The following ERBB4 variants were observed in gnomAD, a reference collection of about 807,000 sequenced individuals.
ERBB4 encodes the protein erb-b2 receptor tyrosine kinase 4, also known as receptor tyrosine-protein kinase erbB-4.
Under a neutral mutation model 158.0 loss-of-function variants are expected in ERBB4, and 42 were observed. The observed-to-expected ratio is 0.27, with a 90% CI of 0.21 to 0.34. ERBB4 has a LOEUF of 0.34. ERBB4 is among the 10% of genes least tolerant of loss of function. The pLI is 1.00. For synonymous variants in ERBB4, 583 were observed against 558.7 expected, an observed-to-expected ratio of 1.04 and a Z score of -0.61; for missense variants, 1,333 against 1,624.1, an observed-to-expected ratio of 0.82 and a Z score of 3.08.
chr2:212,118,379 T>G (rs537214682), intron 2 of ERBB4, among the ~76,000 whole-genome samples: 1 of 152,190 alleles, frequency 6.6e-6, no homozygotes, highest in Non-Finnish European at 1.5e-5. Context: ...TGCAGTAAGA[T>G]TGGCAGTGTT....
chr2:212,476,131 A>G (rs889932181), intron 1 of ERBB4, among the ~76,000 whole-genome samples: 1 of 146,910 alleles, frequency 6.8e-6, no homozygotes, highest in Non-Finnish European at 1.5e-5. Context: ...ACACACATAC[A>G]TACTCTCTCT....
At chr2:212,190,602 G>C (rs572874743) in intron 1 of ERBB4, among the ~76,000 whole-genome samples, 1 of 151,830 alleles carries the variant, frequency 6.6e-6, no homozygotes, top group South Asian at 2.1e-4. Context: ...TATTCATTAG[G>C]TCTTGAAAAT....
intron 1 of ERBB4, among the ~76,000 whole-genome samples, chr2:212,275,138 A>T (rs572655808): frequency 0.046 from 6,977 of 151,832 alleles, 222 homozygotes; most frequent in African/African-American, 0.088. Context: ...TTTCATGGTG[A>T]ACATGTGCCA....
chr2:212,204,303 C>T (rs1055000152), intron 1 of ERBB4, among the ~76,000 whole-genome samples: 2 of 151,772 alleles, frequency 1.3e-5, no homozygotes, highest in African/African-American at 4.8e-5. Context: ...CTTTAAAAAA[C>T]TTTACAAAAT....
chr2:211,861,039 ATTT>A (rs1355370626), intron 3 of ERBB4, among the ~76,000 whole-genome samples: 2 of 8,632 alleles, frequency 2.3e-4, no homozygotes, highest in African/African-American at 4.1e-4. Flanking sequence ...AATATAATAT[ATTT>A]ATATATTTAT....
At chr2:211,388,681 T>C (rs2062739077) in intron 25 of ERBB4, among the ~76,000 whole-genome samples, 1 of 152,008 alleles carries the variant, frequency 6.6e-6, no homozygotes, top group Admixed American at 6.6e-5. Flanking sequence ...CAAAATCAGA[T>C]TTCAGTTAAA....
At chr2:211,851,428 G>C (rs957096897) in intron 3 of ERBB4, among the ~76,000 whole-genome samples, 2 of 151,828 alleles carry the variant, frequency 1.3e-5, no homozygotes, top group African/African-American at 4.8e-5. Context: ...CAAAATATCA[G>C]AAGCAAAGCA....
rs149461555 is a variant in ERBB4, at chr2:211,901,726, T to C, written c.421+45704A>G. ...GCATGTTAGGACTTGTCAAGGAAAA[T>C]TGACAGCCTAATAGCTTTTTTCCTA... On this transcript the variant is annotated intron_variant, in intron 3 of 27. Coordinates refer to ENST00000342788, the MANE Select transcript of ERBB4 (RefSeq NM_005235.3). Among the ~76,000 whole-genome samples, 133 of 152,248 alleles carry C rather than the reference T, an allele frequency of 8.7e-4. 2 individuals carry two copies. The highest frequency in any genetic ancestry group is 2.5e-3 in the East Asian group (13 of 5,182).
intron 20 of ERBB4, among the ~76,000 whole-genome samples, chr2:211,546,257 T>C: frequency 6.6e-6 from 1 of 152,230 alleles, no homozygotes; most frequent in East Asian, 1.9e-4. Context: ...ATATTCAAAA[T>C]ATAAATTATT....
At chr2:211,525,298 G>C (rs986676620) in intron 20 of ERBB4, among the ~76,000 whole-genome samples, 13 of 152,126 alleles carry the variant, frequency 8.5e-5, no homozygotes, top group African/African-American at 3.1e-4. Flanking sequence ...TCCACTTCAG[G>C]AAAGGAGAGG....
chr2:211,832,865 A>G (rs1025138715), intron 3 of ERBB4, among the ~76,000 whole-genome samples: 1 of 146,476 alleles, frequency 6.8e-6, no homozygotes, highest in Non-Finnish European at 1.5e-5. Context: ...TATATATATA[A>G]ATAAATAAGA....
rs1219631504 is a variant in ERBB4, at chr2:211,580,825, T to A, written c.2302-18737A>T. Among the ~76,000 whole-genome samples the A allele has an allele frequency of 7.3e-3, 91 of 12,506 alleles. 3 individuals carry two copies. In the East Asian group the frequency reaches 0.089, roughly 12 times the overall value. 8.2% of individuals were successfully genotyped at this position (12,506 alleles called of 152,430 possible). On this transcript the variant is annotated intron_variant, in intron 19 of 27. Transcript: ENST00000342788. ...ATATATATATATAATATATATATAT[T>A]ATATATATAGATTATATATTATATA...
intron 1 of ERBB4, among the ~76,000 whole-genome samples, chr2:212,373,420 CTG>C (rs2090153781): frequency 6.6e-6 from 1 of 151,898 alleles, no homozygotes; most frequent in African/African-American, 2.4e-5. Context: ...GTCAATGAAA[CTG>C]GAGATAAAAT....
At chr2:212,192,202 TTC>T (rs1415818303) in intron 1 of ERBB4, among the ~76,000 whole-genome samples, 57 of 147,444 alleles carry the variant, frequency 3.9e-4, no homozygotes, top group African/African-American at 1.1e-3. Context: ...GATATATATA[TTC>T]TTTTTTATTT....
At chr2:212,316,653 G>A (rs905457133) in intron 1 of ERBB4, among the ~76,000 whole-genome samples, 5 of 151,458 alleles carry the variant, frequency 3.3e-5, no homozygotes, top group Non-Finnish European at 7.4e-5. Flanking sequence ...AATGCTGAGC[G>A]AAATTGCTTG....
intron 1 of ERBB4, among the ~76,000 whole-genome samples, chr2:212,426,801 T>C (rs1168470314): frequency 6.6e-6 from 1 of 152,058 alleles, no homozygotes; most frequent in Non-Finnish European, 1.5e-5. Context: ...AAAAGCTAAC[T>C]GGCCCACCCA....
rs1254387635 is a variant in ERBB4, at chr2:212,168,915, G to C, written c.83-44012C>G. Reference sequence around the variant, plus strand: ...AAAGGTTTTGTATTTTCATCAAATAGAAGTACCTAAAGATTTTAGACCTCA... The same window carrying C: ...AAAGGTTTTGTATTTTCATCAAATACAAGTACCTAAAGATTTTAGACCTCA... On this transcript the variant is annotated intron_variant, in intron 1 of 27. Coordinates refer to ENST00000342788, the MANE Select transcript of ERBB4 (RefSeq NM_005235.3). Among the ~76,000 whole-genome samples, 4 of 152,068 alleles carry C rather than the reference G, an allele frequency of 2.6e-5. No individual in the cohort carries two copies. In the East Asian group the frequency reaches 7.7e-4, roughly 29 times the overall value.
intron 25 of ERBB4, among the ~76,000 whole-genome samples, chr2:211,393,962 G>A (rs1273814621): frequency 6.6e-6 from 1 of 152,064 alleles, no homozygotes; most frequent in South Asian, 2.1e-4. Flanking sequence ...ATTGTTCCTA[G>A]TACAAGGCTT....
chr2:212,424,109 T>A (rs547364065), intron 1 of ERBB4, among the ~76,000 whole-genome samples: 1 of 152,282 alleles, frequency 6.6e-6, no homozygotes, highest in East Asian at 1.9e-4. Context: ...TATCTTAGAA[T>A]TCATTTTGGT....
Sources: gnomAD v4.1 joint callset for allele counts (sites outside exome capture counted in the v4.1 genomes callset) on GRCh38, gnomAD v4.1.1 for gene constraint, MANE v1.5 for transcripts, NCBI Gene and HGNC (gene_info 2026-07-23, HGNC 2026-07-21) for gene names.